NF1: variants seen among roughly 807,000 people sequenced by gnomAD.
NF1 encodes neurofibromin 1.
In NF1, 122 loss-of-function variants were observed where a neutral mutation model predicts 325.7. The observed-to-expected ratio is 0.37, with a 90% CI of 0.32 to 0.44. The LOEUF is 0.44. NF1 is among the 20% of genes least tolerant of loss of function. NF1 has a pLI of 1.00. For missense variants in NF1, 2,140 were observed against 3,415.4 expected, an observed-to-expected ratio of 0.63 and a Z score of 9.31; for synonymous variants, 1,091 against 1,186.0, an observed-to-expected ratio of 0.92 and a Z score of 1.65.
intron 11 of NF1, 79 bp downstream of exon 11, chr17:31,201,564 C>A: frequency 9.6e-7 from 1 of 1,044,528 alleles, no homozygotes; most frequent in Non-Finnish European, 1.5e-6. Flanking sequence ...TTAAGAAATG[C>A]ACTCTTGGTT....
chr17:31,353,372 C>T (rs971527341), intron 51 of NF1, among the ~76,000 whole-genome samples: 1 of 152,150 alleles, frequency 6.6e-6, no homozygotes, highest in Non-Finnish European at 1.5e-5. Flanking sequence ...TGGCTCACGC[C>T]CATAATCCCA....
Position 31,356,700 on chromosome 17 carries a change from C to T in NF1, c.7738+118C>T, listed in dbSNP as rs946300873. On this transcript the variant is annotated intron_variant, in intron 52 of 57. Transcript: ENST00000358273. ...TAGAGTGAAATATAGAAACGTTTGC[C>T]ATTTCTCAAAAGATAAACTCTACCA... 1.8e-5 allele frequency: 26 copies of T among 1,431,158 alleles called. No individual in the cohort carries two copies. In the African/African-American group the frequency reaches 3.6e-4, roughly 20 times the overall value. 88.7% of individuals were successfully genotyped at this position (1,431,158 alleles called of 1,614,324 possible).
In NF1 at chr17:31,273,254, C is replaced by G. The variant is rs140991175; in HGVS notation, c.4835+7915C>G. ...AGGATATTACTTCTAAATATTTACCCAAAGACTAAAGAGGTTAAACCAAAG... is the reference window on the plus strand; with the variant it reads ...AGGATATTACTTCTAAATATTTACCGAAAGACTAAAGAGGTTAAACCAAAG... On this transcript the variant is annotated intron_variant, in intron 36 of 57. Coordinates refer to ENST00000358273, the MANE Select transcript of NF1 (RefSeq NM_001042492.3). Among the ~76,000 whole-genome samples the G allele has an allele frequency of 1.4e-4, 21 of 152,188 alleles. No homozygotes were observed. In the East Asian group the frequency reaches 4.1e-3, roughly 29 times the overall value.
chr17:31,264,034 G>A (rs2067741319), intron 35 of NF1, among the ~76,000 whole-genome samples: 1 of 152,054 alleles, frequency 6.6e-6, no homozygotes, highest in Admixed American at 6.6e-5. Context: ...ATGATGGGCT[G>A]AGCTAATGCA....
chr17:31,340,425 T>G, intron 46 of NF1, 80 bp from the exon 47 acceptor site: 2 of 1,579,800 alleles, frequency 1.3e-6, no homozygotes, highest in Non-Finnish European at 1.7e-6. Context: ...ATAAGCTGCT[T>G]TATTTTTAAC....
chr17:31,280,379 T>C (rs1047141062), intron 36 of NF1, among the ~76,000 whole-genome samples: 4 of 150,898 alleles, frequency 2.7e-5, no homozygotes, highest in Admixed American at 2.0e-4. Flanking sequence ...CGTGGTGGTG[T>C]GTGGGTATGT....
rs1800845 is a variant in NF1 at position 31,376,420 on chromosome 17, C to G, written c.*2265C>G. 102,673 of 232,422 alleles carry G rather than the reference C, an allele frequency of 0.44. 28,525 individuals are homozygous for G. Among genetic ancestry groups the G allele is most frequent in the African/African-American group, 0.86 (38,916 of 45,370 alleles). 14.4% of individuals were successfully genotyped at this position (232,422 alleles called of 1,614,324 possible). ...ATCAGCATTGGCACAAATCAAAATTCAGCCGCCTTTGAAATGCAAAAATAC... is the reference window on the plus strand; with the variant it reads ...ATCAGCATTGGCACAAATCAAAATTGAGCCGCCTTTGAAATGCAAAAATAC... On this transcript the variant is annotated 3_prime_UTR_variant, in exon 58 of 58. Coordinates refer to ENST00000358273, the MANE Select transcript of NF1 (RefSeq NM_001042492.3).
At chr17:31,163,132 A>C (rs952927289) in intron 3 of NF1, 54 bp from the exon 4 acceptor site, 1 of 1,578,176 alleles carries the variant, frequency 6.3e-7, no homozygotes, top group Non-Finnish European at 8.7e-7. Flanking sequence ...TCATAATAGA[A>C]AATGTTTACA....
intron 5 of NF1, among the ~76,000 whole-genome samples, chr17:31,175,774 G>A (rs2066011602): frequency 6.6e-6 from 1 of 152,094 alleles, no homozygotes; most frequent in Non-Finnish European, 1.5e-5. Context: ...AGAACATGTG[G>A]TGTTTGGTTT....
Position 31,340,610 on chromosome 17 carries a change from C to T in NF1, c.7027C>T (p.His2343Tyr), listed in dbSNP as rs781578248. The T allele has an allele frequency of 2.5e-6, 4 of 1,614,114 alleles. No individual in the cohort carries two copies. The highest frequency in any genetic ancestry group is 3.4e-6 in the Non-Finnish European group (4 of 1,180,004). Residue 2343 changes from histidine to tyrosine, a missense_variant, in exon 47 of 58, where the codon CAT becomes TAT. Transcript: ENST00000358273. ...TACCGCACTTCTTGAACAAAACCTG[C>T]ATACTTTAGATAGTCTCCGTATATT... is the stretch of plus-strand genomic sequence containing the variant. ...AGTALLEQNL[H>Y]TLDSLRIFND...
At chr17:31,126,018 C>G (rs1914853588) in intron 1 of NF1, among the ~76,000 whole-genome samples, 1 of 152,106 alleles carries the variant, frequency 6.6e-6, no homozygotes, top group African/African-American at 2.4e-5. Context: ...AACCCGGTCT[C>G]TACTAAAAAA....
chr17:31,211,878 A>T (rs912743410), intron 12 of NF1, among the ~76,000 whole-genome samples: 6 of 152,312 alleles, frequency 3.9e-5, no homozygotes, highest in South Asian at 2.1e-4. Context: ...AAATTTTTTT[A>T]AATTTATTTT....
chr17:31,187,145 CACTT>C (rs1236190119), intron 8 of NF1, among the ~76,000 whole-genome samples: 2 of 152,202 alleles, frequency 1.3e-5, no homozygotes, highest in African/African-American at 4.8e-5. Context: ...CCAAGGCACT[CACTT>C]TACAGCTAAA....
At position 31,201,144 on chromosome 17, in the gene NF1, C is replaced by T. The variant is rs769004910; in HGVS notation, c.1170C>T (p.Asn390=). 22 of 1,613,960 alleles carry T rather than the reference C, an allele frequency of 1.4e-5. No homozygotes were observed. The highest frequency in any genetic ancestry group is 1.8e-5 in the Non-Finnish European group (21 of 1,179,986). The change falls in exon 10 of 58, where the codon AAC becomes AAT. Residue 390 remains asparagine (N), a synonymous_variant. Transcript: ENST00000358273. ...LVSCFRISPH[N]NQHFKICLAQ... The stretch of plus-strand genomic sequence containing the variant: ...CTTGCTTTCGTATAAGCCCTCACAA[C>T]AACCAACACTTTAAGGTGAGAGCAT...
intron 5 of NF1, among the ~76,000 whole-genome samples, chr17:31,178,733 T>A (rs2066070193): frequency 6.6e-6 from 1 of 152,100 alleles, no homozygotes; most frequent in African/African-American, 2.4e-5. Flanking sequence ...TAAAACAGAC[T>A]TTAAACCAAC....
At chr17:31,358,677 G>A (rs2151585383) in intron 55 of NF1, 55 bp downstream of exon 55, 1 of 1,589,204 alleles carries the variant, frequency 6.3e-7, no homozygotes, top group Non-Finnish European at 8.6e-7. Context: ...CATGCGCGCT[G>A]TTGTAGAATG....
chr17:31,376,288 G>T lies in NF1; in HGVS notation c.*2133G>T. 1 of 232,816 alleles carries T rather than the reference G, an allele frequency of 4.3e-6. No homozygotes were observed. Among genetic ancestry groups the T allele is most frequent in the East Asian group, 6.1e-5 (1 of 16,522 alleles). The allele number at this position is 232,816 out of a possible 1,614,324, so 14.4% of individuals were successfully genotyped here. On this transcript the variant is annotated 3_prime_UTR_variant, in exon 58 of 58. Transcript: ENST00000358273. The stretch of plus-strand genomic sequence containing the variant: ...ATGATAGTGGGTGTTATGCTATTTT[G>T]CTCTTCCCATCAAAATAAAGAAACT...
intron 36 of NF1, among the ~76,000 whole-genome samples, chr17:31,310,420 A>G (rs1449930312): frequency 1.3e-5 from 2 of 148,218 alleles, no homozygotes; most frequent in South Asian, 4.6e-4. Context: ...AGTAGGCAAA[A>G]TGAAGTTGGG....
chr17:31,150,908 G>A (rs577096616), intron 1 of NF1, among the ~76,000 whole-genome samples: 2 of 152,144 alleles, frequency 1.3e-5, no homozygotes, highest in African/African-American at 2.4e-5. Flanking sequence ...GGTGGTGCAT[G>A]CCTTTAATCC....
Sources: allele counts gnomAD v4.1 joint callset (sites outside exome capture counted in the v4.1 genomes callset), GRCh38; gene constraint gnomAD v4.1.1; transcripts MANE v1.5; gene names NCBI Gene and HGNC (gene_info 2026-07-23, HGNC 2026-07-21).